ALDH1L1: variants seen among roughly 807,000 people sequenced by gnomAD.
The protein encoded by ALDH1L1 is cytosolic 10-formyltetrahydrofolate dehydrogenase.
In ALDH1L1, 68 loss-of-function variants were observed where a neutral mutation model predicts 101.1. The observed-to-expected ratio is 0.67, with a 90% CI of 0.55 to 0.82. The LOEUF is 0.82. Ranked by LOEUF, ALDH1L1 falls within the 40% of genes least tolerant of loss-of-function variation. The pLI, the probability that ALDH1L1 is intolerant of heterozygous loss-of-function variation, is 0.00. For missense variants in ALDH1L1, 1,087 were observed against 1,172.7 expected, an observed-to-expected ratio of 0.93 and a Z score of 1.07; for synonymous variants, 486 against 470.8, an observed-to-expected ratio of 1.03 and a Z score of -0.42.
At chr3:126,152,933 C>A in intron 7 of ALDH1L1, 1 of 232,564 alleles carries the variant, frequency 4.3e-6, no homozygotes, top group Non-Finnish European at 8.5e-6. Flanking sequence ...AAAGGTGCTC[C>A]ATCAGTGTTT....
Position 126,172,402 on chromosome 3 carries a change from G to T in ALDH1L1, c.-24+8074C>A, listed in dbSNP as rs571779923. ...GAAATTAAGAAAAAAATCAAAAAAA[G>T]TCTAGAAATAAAAACCCTGTGATAA... On this transcript the variant is annotated intron_variant, in intron 1 of 22. Coordinates refer to ENST00000393434, the MANE Select transcript of ALDH1L1 (RefSeq NM_012190.4). 2.6e-5 allele frequency among the ~76,000 whole-genome samples: 4 copies of T among 152,150 alleles called. No individual in the cohort carries two copies. The South Asian group carries it at 8.3e-4, about 32-fold the overall frequency.
chr3:126,127,703 A>G (rs904873818), intron 14 of ALDH1L1, among the ~76,000 whole-genome samples: 3 of 151,936 alleles, frequency 2.0e-5, no homozygotes, highest in African/African-American at 7.3e-5. Context: ...CCAGGGGAGG[A>G]GATGGGCAGC....
upstream of ALDH1L1, among the ~76,000 whole-genome samples, chr3:126,183,227 G>A (rs1013397840): frequency 5.3e-5 from 8 of 152,208 alleles, no homozygotes; most frequent in African/African-American, 1.9e-4. Flanking sequence ...AAGCCCAAGA[G>A]AGAGAAGGGC....
chr3:126,120,805 TAAC>T (rs1286768751), intron 16 of ALDH1L1, among the ~76,000 whole-genome samples: 1 of 152,160 alleles, frequency 6.6e-6, no homozygotes, highest in Non-Finnish European at 1.5e-5. Flanking sequence ...GTAATAAAAA[TAAC>T]AACACTCTCT....
At chr3:126,141,880 G>GA (rs200857828) in intron 9 of ALDH1L1, among the ~76,000 whole-genome samples, 43 of 148,718 alleles carry the variant, frequency 2.9e-4, no homozygotes, top group East Asian at 2.5e-3. Context: ...ATAGAGACCA[G>GA]AAAAAAAAAC....
rs546189176 is a variant in ALDH1L1, at chr3:126,158,333, T to G, written c.362+72A>C. Reference sequence around the variant, plus strand: ...CAGCCCTAGAAATGCTTTGGGCTAATGGAAAGTGACAAGTCAGGCTGATGG... The same window carrying G: ...CAGCCCTAGAAATGCTTTGGGCTAAGGGAAAGTGACAAGTCAGGCTGATGG... On this transcript the variant is annotated intron_variant, in intron 3 of 22. Transcript: ENST00000393434. The G allele has an allele frequency of 2.5e-5, 35 of 1,391,770 alleles. No homozygotes were observed. In the South Asian group the frequency reaches 4.5e-4, roughly 18 times the overall value. The allele number at this position is 1,391,770 out of a possible 1,614,324, so 86.2% of individuals were successfully genotyped here.
chr3:126,163,469 A>G (rs2081103628), intron 1 of ALDH1L1, among the ~76,000 whole-genome samples: 1 of 152,200 alleles, frequency 6.6e-6, no homozygotes. Context: ...TATCCACTAC[A>G]ATATTGAATA....
chr3:126,173,423 T>C lies in ALDH1L1; in HGVS notation c.-24+7053A>G, dbSNP rs78743373. Among the ~76,000 whole-genome samples the C allele has an allele frequency of 4.5e-3, 680 of 151,942 alleles. 7 individuals carry two copies. Among genetic ancestry groups the C allele is most frequent in the African/African-American group, 0.016 (652 of 41,424 alleles). On this transcript the variant is annotated intron_variant, in intron 1 of 22. Coordinates refer to ENST00000393434, the MANE Select transcript of ALDH1L1 (RefSeq NM_012190.4). ...TTAAGTGTATATTGCAAACTGTAGGTCAACCACTAAAAAAGCAACAACAAA... is the reference window on the plus strand; with the variant it reads ...TTAAGTGTATATTGCAAACTGTAGGCCAACCACTAAAAAAGCAACAACAAA...
intron 7 of ALDH1L1, 33 bp downstream of exon 7, chr3:126,153,411 G>A (rs781357557): frequency 1.2e-6 from 2 of 1,610,916 alleles, no homozygotes; most frequent in South Asian, 1.1e-5. Flanking sequence ...GGGTGGCTTT[G>A]AGCAGGCAAG....
intron 15 of ALDH1L1, among the ~76,000 whole-genome samples, chr3:126,125,030 T>C (rs2080153476): frequency 6.6e-6 from 1 of 152,070 alleles, no homozygotes; most frequent in Non-Finnish European, 1.5e-5. Flanking sequence ...AGGCTGTCAT[T>C]GCCAATGTAC....
chr3:126,126,288 G>A (rs13347263), intron 14 of ALDH1L1, among the ~76,000 whole-genome samples: 3,582 of 152,276 alleles, frequency 0.024, 132 homozygotes, highest in African/African-American at 0.082. Flanking sequence ...GAGCACCGTG[G>A]GCACTGGGGA....
chr3:126,112,197 G>A (rs978554267), intron 19 of ALDH1L1, among the ~76,000 whole-genome samples: 1 of 152,188 alleles, frequency 6.6e-6, no homozygotes, highest in Non-Finnish European at 1.5e-5. Flanking sequence ...TCTGGTGGGA[G>A]ACACTGTCCT....
At chr3:126,132,106 C>T (rs372972973) in intron 12 of ALDH1L1, among the ~76,000 whole-genome samples, 1 of 152,350 alleles carries the variant, frequency 6.6e-6, no homozygotes. Flanking sequence ...ATGCCGAGGT[C>T]GGGTTGCCCT....
chr3:126,162,223 T>C (rs2081073878), intron 1 of ALDH1L1, among the ~76,000 whole-genome samples: 1 of 152,154 alleles, frequency 6.6e-6, no homozygotes, highest in Non-Finnish European at 1.5e-5. Flanking sequence ...CTGTCAGGTG[T>C]GTACTTAGGG....
At chr3:126,176,426 A>T (rs1300559665) in intron 1 of ALDH1L1, among the ~76,000 whole-genome samples, 1 of 152,180 alleles carries the variant, frequency 6.6e-6, no homozygotes, top group African/African-American at 2.4e-5. Context: ...TGTCCCCAAG[A>T]CTTTACTATA....
chr3:126,156,679 C>G (rs2080913517), intron 4 of ALDH1L1: 1 of 152,314 alleles, frequency 6.6e-6, no homozygotes, highest in Non-Finnish European at 1.5e-5. Context: ...CTGAGCCGCC[C>G]TGCCGCTCAG....
rs146169784 is a variant in ALDH1L1, at chr3:126,157,800, G to A, written c.363-292C>T. ...AAACTAAGGCCCAGAAAAGTGAAGC[G>A]ACACCCACAAAGATCAGAGAGCCTG... On this transcript the variant is annotated intron_variant, in intron 3 of 22. Coordinates refer to ENST00000393434, the MANE Select transcript of ALDH1L1 (RefSeq NM_012190.4). Among the ~76,000 whole-genome samples the A allele has an allele frequency of 7.1e-3, 1,074 of 152,230 alleles. 20 individuals carry two copies. Among genetic ancestry groups the A allele is most frequent in the African/African-American group, 0.024 (1,014 of 41,524 alleles).
At chr3:126,105,987 C>A in intron 21 of ALDH1L1, 62 bp from the exon 22 acceptor site, 1 of 1,529,138 alleles carries the variant, frequency 6.5e-7, no homozygotes, top group Non-Finnish European at 8.9e-7. Context: ...TGGCCCACTC[C>A]ACACCCCGGC....
chr3:126,179,675 G>A (rs1007326506), intron 1 of ALDH1L1: 1 of 152,236 alleles, frequency 6.6e-6, no homozygotes, highest in African/African-American at 2.4e-5. Flanking sequence ...CTTGCCCAAG[G>A]TCAAGGAGAA....
Sources: gnomAD v4.1 joint callset for allele counts (sites outside exome capture counted in the v4.1 genomes callset) on GRCh38, gnomAD v4.1.1 for gene constraint, MANE v1.5 for transcripts, NCBI Gene and HGNC (gene_info 2026-07-23, HGNC 2026-07-21) for gene names.